EFCAB5: variants seen among roughly 807,000 people sequenced by gnomAD.
EFCAB5 encodes EF-hand calcium-binding domain-containing protein 5.
EFCAB5 carries 131 observed loss-of-function variants against 167.9 expected under a neutral mutation model. The observed-to-expected ratio is 0.78, with a 90% confidence interval of 0.68 to 0.90. EFCAB5 has a LOEUF of 0.90. Among genes scored for constraint, EFCAB5 ranks in the 40% least tolerant of loss-of-function variants. The pLI is 0.00. For missense variants in EFCAB5, 1,663 were observed against 1,745.2 expected, an observed-to-expected ratio of 0.95 and a Z score of 0.84; for synonymous variants, 574 against 602.8, an observed-to-expected ratio of 0.95 and a Z score of 0.70.
chr17:30,038,814 CTATTTCTAACAATTTTGG>C (rs1214345975), intron 8 of EFCAB5, among the ~76,000 whole-genome samples: 1 of 152,146 alleles, frequency 6.6e-6, no homozygotes, highest in Non-Finnish European at 1.5e-5. Flanking sequence ...CACCAATTAT[CTATTTCTAACAATTTTGG>C]TATTTCTAAC....
At chr17:30,026,727 G>T (rs2069332868) in intron 7 of EFCAB5, among the ~76,000 whole-genome samples, 1 of 151,724 alleles carries the variant, frequency 6.6e-6, no homozygotes, top group African/African-American at 2.4e-5. Context: ...GTATAGAGAG[G>T]GCATATTTCT....
chr17:30,001,742 C>G (rs1002610832), intron 7 of EFCAB5, among the ~76,000 whole-genome samples: 19 of 152,162 alleles, frequency 1.2e-4, no homozygotes, highest in Admixed American at 1.2e-3. Context: ...AATTTACCAC[C>G]AATAAAAGCC....
intron 7 of EFCAB5, among the ~76,000 whole-genome samples, chr17:30,017,844 T>C (rs2069083663): frequency 6.6e-6 from 1 of 152,176 alleles, no homozygotes; most frequent in Non-Finnish European, 1.5e-5. Context: ...TTCACCTTCT[T>C]TTCTGTAATT....
At chr17:30,042,185 T>A (rs1350687977) in intron 8 of EFCAB5, among the ~76,000 whole-genome samples, 1 of 152,092 alleles carries the variant, frequency 6.6e-6, no homozygotes, top group Non-Finnish European at 1.5e-5. Context: ...ATTTTTGTAT[T>A]TTTAATAGAG....
intron 7 of EFCAB5, among the ~76,000 whole-genome samples, chr17:30,019,646 A>C (rs887168495): frequency 6.6e-5 from 10 of 152,150 alleles, no homozygotes; most frequent in South Asian, 4.1e-4. Context: ...GGGTTTTCCC[A>C]TATTGGCCAG....
chr17:30,074,697 G>A (rs2070833343), intron 14 of EFCAB5: 1 of 151,998 alleles, frequency 6.6e-6, no homozygotes, highest in Non-Finnish European at 1.5e-5. Flanking sequence ...TAGGCCACAG[G>A]GTCTATATAT....
intron 13 of EFCAB5, among the ~76,000 whole-genome samples, chr17:30,058,851 A>G (rs1430191389): frequency 6.6e-6 from 1 of 152,140 alleles, no homozygotes. Flanking sequence ...CCTGGGTGAC[A>G]TAGCAAGACT....
At chr17:29,956,519 T>C (rs2067618766) in intron 3 of EFCAB5, among the ~76,000 whole-genome samples, 1 of 152,264 alleles carries the variant, frequency 6.6e-6, no homozygotes, top group Non-Finnish European at 1.5e-5. Flanking sequence ...GCTGCTGTGA[T>C]TGGCTCACAC....
chr17:30,037,927 TAGAA>T, intron 8 of EFCAB5, among the ~76,000 whole-genome samples: 3 of 152,170 alleles, frequency 2.0e-5, no homozygotes, highest in South Asian at 4.2e-4. Flanking sequence ...TTAATAACCC[TAGAA>T]AGGGTTATTA....
Position 30,078,221 on chromosome 17 carries a change from T to G in EFCAB5, c.2744T>G (p.Leu915Arg), listed in dbSNP as rs1190198237. 2 of 1,610,680 alleles carry G rather than the reference T, an allele frequency of 1.2e-6. No homozygotes were observed. Among genetic ancestry groups the G allele is most frequent in the African/African-American group, 2.7e-5 (2 of 74,802 alleles). Residue 915 changes from leucine to arginine, a missense_variant, in exon 15 of 23, where the codon CTA (leucine) becomes CGA (arginine). Leu to Arg is a moderately radical substitution (Grantham distance 102, BLOSUM62 -2). Transcript: ENST00000394835. ...MEKESMKKAK[L>R]HIQFPKPHPG... ...TCGTGTTTGTGTCTTTTAGCTAAAC[T>G]ACACATCCAATTTCCAAAGCCACAC...
intron 7 of EFCAB5, among the ~76,000 whole-genome samples, chr17:30,029,249 C>CTAAG (rs1324835206): frequency 6.6e-6 from 1 of 152,128 alleles, no homozygotes; most frequent in African/African-American, 2.4e-5. Flanking sequence ...TTGAAAATAT[C>CTAAG]TAAGTAAAAA....
At chr17:30,104,036 A>G (rs2071414456) in intron 22 of EFCAB5, among the ~76,000 whole-genome samples, 3 of 152,200 alleles carry the variant, frequency 2.0e-5, no homozygotes, top group Non-Finnish European at 4.4e-5. Context: ...AGAAATTTGC[A>G]TACACATACC....
chr17:29,968,002 G>C (rs2067868302), intron 3 of EFCAB5, among the ~76,000 whole-genome samples: 3 of 151,392 alleles, frequency 2.0e-5, no homozygotes, highest in Admixed American at 2.0e-4. Context: ...AGCCTCCTGA[G>C]TAGTTGGGAC....
chr17:30,051,751 G>A (rs2151775798), intron 9 of EFCAB5, among the ~76,000 whole-genome samples: 1 of 152,086 alleles, frequency 6.6e-6, no homozygotes, highest in African/African-American at 2.4e-5. Flanking sequence ...TAGAGAGAAG[G>A]TTTCACCCTG....
intron 4 of EFCAB5, among the ~76,000 whole-genome samples, chr17:29,975,825 T>C (rs1019656848): frequency 6.6e-6 from 1 of 152,192 alleles, no homozygotes; most frequent in African/African-American, 2.4e-5. Flanking sequence ...TGCAGATTCC[T>C]AGATCCTTCC....
At chr17:29,937,577 C>T (rs1314483460), upstream of EFCAB5, among the ~76,000 whole-genome samples, 2 of 152,160 alleles carry the variant, frequency 1.3e-5, no homozygotes, top group Admixed American at 6.5e-5. Context: ...TTTTTGTTTA[C>T]TGTCCTGGTG....
chr17:29,964,977 C>T (rs1597589918), intron 3 of EFCAB5, among the ~76,000 whole-genome samples: 1 of 151,834 alleles, frequency 6.6e-6, no homozygotes, highest in East Asian at 1.9e-4. Flanking sequence ...TCTCGGCTCA[C>T]TGCAAGCTCT....
intron 19 of EFCAB5, among the ~76,000 whole-genome samples, chr17:30,088,490 T>A (rs1396480735): frequency 6.6e-6 from 1 of 152,198 alleles, no homozygotes; most frequent in East Asian, 1.9e-4. Flanking sequence ...ACATCACTCA[T>A]CAGAGCTCAT....
intron 6 of EFCAB5, among the ~76,000 whole-genome samples, chr17:29,999,285 AT>A (rs1447980697): frequency 6.6e-6 from 1 of 152,066 alleles, no homozygotes; most frequent in Non-Finnish European, 1.5e-5. Flanking sequence ...GATCATATTT[AT>A]AAGTAGAAAA....
Sources: gnomAD v4.1 joint callset for allele counts (sites outside exome capture counted in the v4.1 genomes callset) on GRCh38, gnomAD v4.1.1 for gene constraint, MANE v1.5 for transcripts, NCBI Gene and HGNC (gene_info 2026-07-23, HGNC 2026-07-21) for gene names.